Variants in TMEM131 observed in about 807,000 individuals in gnomAD.
The protein encoded by TMEM131 is 2610524E03Rik.
A neutral mutation model predicts 211.6 loss-of-function variants in TMEM131; 66 were observed. The ratio of observed to expected loss-of-function variants is 0.31; its 90% CI spans 0.26 to 0.38. TMEM131 has a LOEUF of 0.38. Among genes scored for constraint, TMEM131 ranks in the 10% least tolerant of loss-of-function variants. The pLI is 1.00. For missense variants in TMEM131, 2,036 were observed against 2,299.3 expected, an observed-to-expected ratio of 0.89 and a Z score of 2.34; for synonymous variants, 844 against 841.3, an observed-to-expected ratio of 1.00 and a Z score of -0.06.
chr2:97,880,024 T>C (rs931415633), intron 4 of TMEM131, among the ~76,000 whole-genome samples: 1 of 152,162 alleles, frequency 6.6e-6, no homozygotes, highest in East Asian at 1.9e-4. Flanking sequence ...TGCTTTCAAA[T>C]GATTCAAAAA....
chr2:97,779,836 G>A (rs1386764943), intron 31 of TMEM131, among the ~76,000 whole-genome samples: 1 of 152,096 alleles, frequency 6.6e-6, no homozygotes, highest in Non-Finnish European at 1.5e-5. Flanking sequence ...GTAAAATAGT[G>A]AGACTTCATC....
intron 33 of TMEM131, among the ~76,000 whole-genome samples, chr2:97,770,492 C>T (rs1024786672): frequency 2.6e-5 from 4 of 152,136 alleles, no homozygotes; most frequent in Non-Finnish European, 5.9e-5. Flanking sequence ...CTATAACTGC[C>T]CCTTGACTAG....
intron 32 of TMEM131, among the ~76,000 whole-genome samples, chr2:97,773,752 GC>G (rs1413864606): frequency 6.6e-6 from 1 of 151,604 alleles, no homozygotes; most frequent in Non-Finnish European, 1.5e-5. Context: ...ACAGGCACAT[GC>G]CACCACACCC....
intron 31 of TMEM131, among the ~76,000 whole-genome samples, chr2:97,776,443 GTTTC>G (rs1179979264): frequency 2.0e-5 from 3 of 151,738 alleles, no homozygotes; most frequent in East Asian, 2.0e-4. Context: ...ATTAAAAAAG[GTTTC>G]TTTTTTTCTT....
chr2:97,902,747 T>C (rs1374399396), intron 3 of TMEM131, among the ~76,000 whole-genome samples: 1 of 152,134 alleles, frequency 6.6e-6, no homozygotes, highest in East Asian at 1.9e-4. Flanking sequence ...GTCAGTGGGC[T>C]GGGGAAGGCA....
intron 32 of TMEM131, among the ~76,000 whole-genome samples, chr2:97,772,661 C>T (rs774456515): frequency 6.6e-6 from 1 of 151,712 alleles, no homozygotes; most frequent in Non-Finnish European, 1.5e-5. Context: ...TCTGGGAAGC[C>T]GAGGCAGGTG....
At chr2:97,872,024 AG>A (rs1162099958) in intron 4 of TMEM131, among the ~76,000 whole-genome samples, 1 of 149,956 alleles carries the variant, frequency 6.7e-6, no homozygotes, top group Non-Finnish European at 1.5e-5. Context: ...GAGGAGAGAA[AG>A]GGGGAAAAGA....
At chr2:97,879,535 T>A (rs990760735) in intron 4 of TMEM131, among the ~76,000 whole-genome samples, 2 of 152,202 alleles carry the variant, frequency 1.3e-5, no homozygotes, top group Non-Finnish European at 2.9e-5. Context: ...ACTGTAGTTA[T>A]GCAGAATGTC....
At chr2:97,955,321 C>T (rs1211644734) in intron 1 of TMEM131, among the ~76,000 whole-genome samples, 2 of 152,140 alleles carry the variant, frequency 1.3e-5, no homozygotes, top group African/African-American at 4.8e-5. Context: ...ACTGGAACTT[C>T]CTTTACTTGA....
At position 97,772,148 on chromosome 2, in the gene TMEM131, C is replaced by G. The variant is rs187760249; in HGVS notation, c.4448+149G>C. 4 of 883,072 alleles carry G rather than the reference C, an allele frequency of 4.5e-6. No individual in the cohort carries two copies. In the African/African-American group the frequency reaches 5.1e-5, roughly 11 times the overall value. 54.7% of individuals were successfully genotyped at this position (883,072 alleles called of 1,614,324 possible). A position where few individuals can be genotyped will look rare whatever the true frequency, so the allele number is the denominator to read the frequency against. ...GTACATATCAGGTGACAGAAAAATCCCAAGAGGAATGTGACGTAGCACCTG... is the reference window on the plus strand; with the variant it reads ...GTACATATCAGGTGACAGAAAAATCGCAAGAGGAATGTGACGTAGCACCTG... On this transcript the variant is annotated intron_variant, in intron 33 of 40. Transcript: ENST00000186436.
intron 3 of TMEM131, among the ~76,000 whole-genome samples, chr2:97,894,795 A>G (rs1159724749): frequency 1.3e-5 from 2 of 152,188 alleles, no homozygotes; most frequent in African/African-American, 4.8e-5. Context: ...TTTTGTAAAT[A>G]TACCATCATT....
intron 30 of TMEM131, 25 bp from the exon 31 acceptor site, chr2:97,793,009 C>A: frequency 7.0e-7 from 1 of 1,431,236 alleles, no homozygotes; most frequent in Non-Finnish European, 9.3e-7. Context: ...AACTGCAGAT[C>A]AGTAAATAGC....
At chr2:97,832,578 CAAAGGTCCCTTA>C (rs1682755019) in intron 11 of TMEM131, among the ~76,000 whole-genome samples, 1 of 152,182 alleles carries the variant, frequency 6.6e-6, no homozygotes, top group Non-Finnish European at 1.5e-5. Flanking sequence ...CATCGATGGA[CAAAGGTCCCTTA>C]AATCTCAAGC....
At position 97,757,197 on chromosome 2, in the gene TMEM131, A is replaced by C. The variant is rs754179561; in HGVS notation, c.5554T>G (p.Leu1852Val). Residue 1852 changes from leucine to valine, a missense_variant, in exon 41 of 41, where the codon TTG becomes GTG. Physicochemically the swap from Leu to Val is conservative, Grantham distance 32 (BLOSUM62 1). Transcript: ENST00000186436. ...APSTSSPADD[L>V]GQTYNPWRIW... ...CGCCACGGGTTGTAGGTCTGTCCCA[A>C]GTCGTCAGCTGGACTGGAGGTGGAG... 1.9e-6 allele frequency: 3 copies of C among 1,613,976 alleles called. No homozygotes were observed. The highest frequency in any genetic ancestry group is 2.5e-6 in the Non-Finnish European group (3 of 1,179,880).
chr2:97,769,328 T>C (rs962382957), intron 33 of TMEM131, among the ~76,000 whole-genome samples: 20 of 152,184 alleles, frequency 1.3e-4, no homozygotes, highest in Non-Finnish European at 2.1e-4. Flanking sequence ...AATAATAATG[T>C]TTTTCTTTTT....
chr2:97,797,542 G>A (rs1217359881), intron 25 of TMEM131, 26 bp from the exon 26 acceptor site: 3 of 1,589,020 alleles, frequency 1.9e-6, no homozygotes, highest in Middle Eastern at 1.7e-4. Context: ...AAACAGAGAG[G>A]AGTCATGAAT....
At chr2:97,977,284 C>T (rs965032563) in intron 1 of TMEM131, among the ~76,000 whole-genome samples, 3 of 152,068 alleles carry the variant, frequency 2.0e-5, no homozygotes, top group African/African-American at 7.3e-5. Flanking sequence ...TACTGGTACC[C>T]AGAACATATA....
chr2:97,888,543 C>T (rs565336974), intron 3 of TMEM131, among the ~76,000 whole-genome samples: 6 of 152,240 alleles, frequency 3.9e-5, no homozygotes, highest in African/African-American at 1.4e-4. Context: ...TGGCAAAGGA[C>T]TAAACAAAAA....
chr2:97,928,559 T>G (rs1046311929), intron 1 of TMEM131, among the ~76,000 whole-genome samples: 1 of 151,806 alleles, frequency 6.6e-6, no homozygotes, highest in Non-Finnish European at 1.5e-5. Flanking sequence ...TACAAATGAA[T>G]GAATCAACCT....
Sources: allele counts gnomAD v4.1 joint callset (sites outside exome capture counted in the v4.1 genomes callset), GRCh38; gene constraint gnomAD v4.1.1; transcripts MANE v1.5; gene names NCBI Gene and HGNC (gene_info 2026-07-23, HGNC 2026-07-21).